Variants in SCN1A observed in about 807,000 individuals in gnomAD.
SCN1A encodes the protein sodium voltage-gated channel alpha subunit 1.
A neutral mutation model predicts 193.7 loss-of-function variants in SCN1A; 13 were observed. That is an observed-to-expected ratio of 0.07 (90% CI 0.04 to 0.11). The LOEUF is 0.11. SCN1A is among the 10% of genes least tolerant of loss of function. The pLI, the probability that SCN1A is intolerant of heterozygous loss-of-function variation, is 1.00. For synonymous variants in SCN1A, 781 were observed against 843.6 expected (o/e 0.93, Z 1.29); for missense variants, 1,432 against 2,451.1 (o/e 0.58, Z 8.78).
At chr2:166,064,245 C>T (rs994915024) in intron 4 of SCN1A, among the ~76,000 whole-genome samples, 1 of 152,144 alleles carries the variant, frequency 6.6e-6, no homozygotes, top group African/African-American at 2.4e-5. Context: ...TCAGTTATCT[C>T]ACTTGAAAAC....
intron 1 of SCN1A, among the ~76,000 whole-genome samples, chr2:166,139,106 A>T (rs1691980134): frequency 6.6e-6 from 1 of 152,138 alleles, no homozygotes; most frequent in African/African-American, 2.4e-5. Context: ...GGAGGTAACT[A>T]ACTTGCTATT....
intron 2 of SCN1A, chr2:166,104,220 G>C (rs1444411555): frequency 6.6e-6 from 1 of 152,152 alleles, no homozygotes; most frequent in African/African-American, 2.4e-5. Context: ...TGCTTTCATT[G>C]TTAGAATTCA....
intron 4 of SCN1A, among the ~76,000 whole-genome samples, chr2:166,070,199 G>A (rs1236836523): frequency 6.6e-6 from 1 of 152,082 alleles, no homozygotes; most frequent in Non-Finnish European, 1.5e-5. Flanking sequence ...GCAGAAGAAG[G>A]AAATTTCAAA....
intron 7 of SCN1A, 118 bp downstream of exon 7, chr2:166,054,520 T>C (rs1472228359): frequency 1.9e-6 from 2 of 1,060,220 alleles, no homozygotes; most frequent in African/African-American, 3.2e-5. Context: ...ATCCAGAGTT[T>C]GAATGTATAA....
intron 2 of SCN1A, among the ~76,000 whole-genome samples, chr2:166,112,343 T>C (rs1281110153): frequency 6.6e-6 from 1 of 152,236 alleles, no homozygotes; most frequent in Non-Finnish European, 1.5e-5. Flanking sequence ...CTCAGATGAC[T>C]GTTAGCATTT....
chr2:166,047,507 C>G (rs904279959), intron 11 of SCN1A, 120 bp downstream of exon 11: 3 of 1,111,648 alleles, frequency 2.7e-6, no homozygotes, highest in Non-Finnish European at 4.1e-6. Context: ...TAGAGGAACT[C>G]AAGTCTCGTT....
chr2:165,994,078 A>T, intron 28 of SCN1A, 68 bp downstream of exon 28: 1 of 1,221,102 alleles, frequency 8.2e-7, no homozygotes, highest in South Asian at 1.3e-5. Flanking sequence ...ATGATCTTGA[A>T]TCTAATCTTG....
chr2:166,135,936 C>T (rs544409427), intron 1 of SCN1A, among the ~76,000 whole-genome samples: 19 of 152,182 alleles, frequency 1.2e-4, no homozygotes, highest in South Asian at 8.3e-4. Flanking sequence ...TGCTAGGCAG[C>T]GGCACTTTCA....
At chr2:166,041,941 C>G (rs2105832794) in intron 15 of SCN1A, among the ~76,000 whole-genome samples, 1 of 152,146 alleles carries the variant, frequency 6.6e-6, no homozygotes, top group East Asian at 1.9e-4. Context: ...CTTGAGAGTA[C>G]TTAGGATGAG....
At chr2:166,061,783 G>T (rs1381109) in intron 4 of SCN1A, among the ~76,000 whole-genome samples, 69,323 of 151,892 alleles carry the variant, frequency 0.46, 16,912 homozygotes, top group East Asian at 0.71. Flanking sequence ...TCTCAATGTT[G>T]GTATGTGATT....
At chr2:166,118,671 C>A (rs547303028) in intron 2 of SCN1A, among the ~76,000 whole-genome samples, 15 of 152,128 alleles carry the variant, frequency 9.9e-5, no homozygotes, top group African/African-American at 3.1e-4. Flanking sequence ...AGGGTAATAT[C>A]AAAACTGCTG....
chr2:166,042,597 C>G (rs1697316392), intron 14 of SCN1A, among the ~76,000 whole-genome samples, 173 bp from the exon 15 acceptor site: 1 of 152,144 alleles, frequency 6.6e-6, no homozygotes, highest in South Asian at 2.1e-4. Flanking sequence ...AATGTTCAAA[C>G]TGTTAACCAT....
At chr2:166,120,472 T>G (rs1690425221) in intron 2 of SCN1A, among the ~76,000 whole-genome samples, 1 of 151,632 alleles carries the variant, frequency 6.6e-6, no homozygotes, top group South Asian at 2.1e-4. Flanking sequence ...GAATTAAATA[T>G]TCATTGAAAC....
chr2:166,016,363 G>A (rs905225840), intron 19 of SCN1A: 1 of 152,224 alleles, frequency 6.6e-6, no homozygotes, highest in African/African-American at 2.4e-5. Context: ...AGCCTGAAGT[G>A]TTGTAAAATG....
intron 19 of SCN1A, among the ~76,000 whole-genome samples, chr2:166,024,008 C>T (rs1274421160): frequency 1.3e-5 from 2 of 152,006 alleles, no homozygotes; most frequent in African/African-American, 2.4e-5. Context: ...AACTCCTGAC[C>T]TCAGGTGATC....
At chr2:166,027,298 A>C (rs1031746825) in intron 19 of SCN1A, 8 of 152,220 alleles carry the variant, frequency 5.3e-5, no homozygotes, top group Non-Finnish European at 8.8e-5. Context: ...TCTTTACTAT[A>C]GCAAATGATT....
At chr2:166,111,442 A>AT (rs1689284537) in intron 2 of SCN1A, among the ~76,000 whole-genome samples, 1 of 152,036 alleles carries the variant, frequency 6.6e-6, no homozygotes, top group African/African-American at 2.4e-5. Flanking sequence ...CTGCTCAGAA[A>AT]AAAAAAAAAG....
At chr2:166,115,259 T>C (rs1206239115) in intron 2 of SCN1A, among the ~76,000 whole-genome samples, 1 of 152,148 alleles carries the variant, frequency 6.6e-6, no homozygotes, top group Non-Finnish European at 1.5e-5. Context: ...CTTGGGGGGC[T>C]GAGACAGGAG....
chr2:166,061,255 A>G (rs1313451199), intron 4 of SCN1A, among the ~76,000 whole-genome samples: 3 of 152,204 alleles, frequency 2.0e-5, no homozygotes, highest in African/African-American at 7.2e-5. Flanking sequence ...AAGGAGTGGT[A>G]AAGTAAAAGG....
Sources: allele counts gnomAD v4.1 joint callset (sites outside exome capture counted in the v4.1 genomes callset), GRCh38; gene constraint gnomAD v4.1.1; transcripts MANE v1.5; gene names NCBI Gene and HGNC (gene_info 2026-07-23, HGNC 2026-07-21).